Variants in KDM1B observed in about 807,000 individuals in gnomAD.
The protein encoded by KDM1B is lysine-specific histone demethylase 2.
KDM1B carries 63 observed loss-of-function variants against 107.4 expected under a neutral mutation model. The ratio of observed to expected loss-of-function variants is 0.59; its 90% CI spans 0.48 to 0.72. The LOEUF (loss-of-function observed/expected upper bound fraction) is 0.72. Among genes scored for constraint, KDM1B ranks in the 30% least tolerant of loss-of-function variants. The pLI, the probability that KDM1B is intolerant of heterozygous loss-of-function variation, is 0.00. For missense variants in KDM1B, 749 were observed against 1,020.8 expected (o/e 0.73, Z 3.63); for synonymous variants, 363 against 363.9 (o/e 1.00, Z 0.03).
In KDM1B at chr6:18,214,530, G is replaced by A. The variant is rs1789076353; in HGVS notation, c.2110-477G>A. ...GCAGGAAGCAATAGAGTGGATGGATGAATAATGAGTGTTTGCGAGGAAAAT... is the reference window on the plus strand; with the variant it reads ...GCAGGAAGCAATAGAGTGGATGGATAAATAATGAGTGTTTGCGAGGAAAAT... On this transcript the variant is annotated intron_variant, in intron 19 of 21. Transcript: ENST00000650836. The surrounding 1 kb of genome is among the most constrained non-coding windows in gnomAD (Gnocchi z 4.4). Among the ~76,000 whole-genome samples, 1 of 152,224 alleles carries A rather than the reference G, an allele frequency of 6.6e-6. No individual in the cohort carries two copies. Among genetic ancestry groups the A allele is most frequent in the African/African-American group, 2.4e-5 (1 of 41,450 alleles).
chr6:18,205,556 C>T lies in KDM1B; in HGVS notation c.1551C>T (p.Tyr517=), dbSNP rs1327682603. 4.5e-6 allele frequency: 7 copies of T among 1,546,852 alleles called. No individual in the cohort carries two copies. In the African/African-American group the frequency reaches 6.9e-5, roughly 15 times the overall value. The change falls in exon 15 of 22, where the codon TAC becomes TAT. Residue 517 remains tyrosine (Y), a synonymous_variant. Transcript: ENST00000650836. This position sits in a 1 kb window ranked among gnomAD's most constrained non-coding sequence, Gnocchi z 5.7. Reference sequence around the variant, plus strand: ...TTACAGAAAAGATAGAAGAAATCTACAAGGCATTTATTAAGGAATCTGGTA... The same window carrying T: ...TTACAGAAAAGATAGAAGAAATCTATAAGGCATTTATTAAGGAATCTGGTA... ...VPLGEKIEEI[Y]KAFIKESGIQ... is the part of the protein sequence containing the mutation.
intron 9 of KDM1B, 111 bp downstream of exon 9, chr6:18,188,113 A>G: frequency 5.1e-6 from 5 of 973,780 alleles, no homozygotes; most frequent in Non-Finnish European, 7.7e-6. Flanking sequence ...GGCTGGGCAC[A>G]GTGGCTCATG....
intron 7 of KDM1B, among the ~76,000 whole-genome samples, chr6:18,175,956 T>C (rs1225233886): frequency 1.3e-5 from 2 of 152,060 alleles, no homozygotes; most frequent in Admixed American, 1.3e-4. Context: ...GCGGGCTCTT[T>C]TTTGGTTCCA....
chr6:18,171,439 A>G lies in KDM1B; in HGVS notation c.494A>G (p.Lys165Arg), dbSNP rs1785656962. Residue 165 changes from lysine (K) to arginine (R), a missense_variant, in exon 7 of 22, where the codon AAG becomes AGG. By Grantham distance (26) the Lys-to-Arg change is conservative (BLOSUM62 2). Transcript: ENST00000650836. ...KEIQLTPQIA[K>R]TYRCGMKPNT... ...ATCCAGCTTACTCCACAGATAGCCAAGACTTATCGATGCGGTATGAAACCA... is the reference window on the plus strand; with the variant it reads ...ATCCAGCTTACTCCACAGATAGCCAGGACTTATCGATGCGGTATGAAACCA... The G allele has an allele frequency of 6.2e-7, 1 of 1,612,968 alleles. No individual in the cohort carries two copies. The highest frequency in any genetic ancestry group is 8.5e-7 in the Non-Finnish European group (1 of 1,179,036).
rs1162419222 is a variant in KDM1B at position 18,215,016 on chromosome 6, A to G, written c.2119A>G (p.Ser707Gly). Residue 707 changes from serine (S) to glycine (G), a missense_variant, in exon 20 of 22, where the codon AGC (serine) becomes GGC (glycine). Physicochemically the swap from Ser to Gly is moderately conservative, Grantham distance 56. Coordinates refer to ENST00000650836, the MANE Select transcript of KDM1B (RefSeq NM_001364614.2). ...FYDMDPQKKH[S>G]VLMSVIAGEA... ...CCTTTCATGTCTCCAGAAGAAGCACAGCGTGCTGATGTCTGTGATTGCCGG... is the reference window on the plus strand; with the variant it reads ...CCTTTCATGTCTCCAGAAGAAGCACGGCGTGCTGATGTCTGTGATTGCCGG... 1.5e-5 allele frequency: 25 copies of G among 1,613,862 alleles called. No homozygotes were observed. Among genetic ancestry groups the G allele is most frequent in the African/African-American group, 2.7e-5 (2 of 74,944 alleles).
intron 21 of KDM1B, among the ~76,000 whole-genome samples, chr6:18,218,160 G>T (rs926496268): frequency 1.8e-4 from 27 of 151,994 alleles, no homozygotes; most frequent in African/African-American, 6.5e-4. Flanking sequence ...TCGCTCTGTG[G>T]CTCAGACTGG....
Position 18,200,447 on chromosome 6 carries a change from C to CTTAG in KDM1B, c.1230_1231insTTAG (p.Glu412AlafsTer14). ...ACTGTCTGTCTTTTTAGGTGACTGT[C>CTTAG]CTGGAAGCCAAAGACAGAATTGGAG... is the stretch of plus-strand genomic sequence containing the variant. On this transcript the variant is annotated frameshift_variant, in exon 13 of 22. Coordinates refer to ENST00000650836, the MANE Select transcript of KDM1B (RefSeq NM_001364614.2). LOFTEE classifies it high-confidence loss of function. This position sits in a 1 kb window ranked among gnomAD's most constrained non-coding sequence, Gnocchi z 4.3. 1 of 1,613,682 alleles carries CTTAG rather than the reference C, an allele frequency of 6.2e-7. No homozygotes were observed.
intron 20 of KDM1B, among the ~76,000 whole-genome samples, chr6:18,215,382 TGA>T (rs2151033770): frequency 6.6e-6 from 1 of 152,318 alleles, no homozygotes; most frequent in Admixed American, 6.5e-5. Context: ...GCTGGAAGCC[TGA>T]GATCGAGGTG....
chr6:18,221,882 C>T (rs1198756023), intron 21 of KDM1B, 27 bp from the exon 22 acceptor site: 5 of 1,555,122 alleles, frequency 3.2e-6, no homozygotes, highest in Non-Finnish European at 3.5e-6. Flanking sequence ...TATGCATGAT[C>T]TCAAATTATG....
intron 4 of KDM1B, 97 bp downstream of exon 4, chr6:18,161,551 C>G (rs923651127): frequency 2.3e-6 from 3 of 1,300,034 alleles, no homozygotes; most frequent in Non-Finnish European, 3.2e-6. Flanking sequence ...AAGATAGATA[C>G]AGATACTATA....
chr6:18,215,779 A>G (rs1789177794), intron 20 of KDM1B, among the ~76,000 whole-genome samples: 3 of 129,938 alleles, frequency 2.3e-5, no homozygotes, highest in African/African-American at 8.8e-5. Flanking sequence ...AAGGCTCGGT[A>G]TTTTCTACGT....
At chr6:18,216,796 T>C (rs934750372) in intron 20 of KDM1B, among the ~76,000 whole-genome samples, 12 of 152,248 alleles carry the variant, frequency 7.9e-5, no homozygotes, top group Admixed American at 3.3e-4. Context: ...ATAATTGTTC[T>C]ATTTTATTAT....
At chr6:18,171,224 T>C (rs1188403225) in intron 6 of KDM1B, 139 bp from the exon 7 acceptor site, 2 of 664,846 alleles carry the variant, frequency 3.0e-6, no homozygotes, top group Non-Finnish European at 5.5e-6. Context: ...GTGAATTATA[T>C]GGATGATGGT....
chr6:18,191,203 G>A lies in KDM1B; in HGVS notation c.791G>A (p.Gly264Asp), dbSNP rs1451964646. The change falls in exon 10 of 22, where the codon GGC (glycine) becomes GAC (aspartate). Residue 264 changes from glycine to aspartate, a missense_variant. Physicochemically the swap from Gly to Asp is moderately conservative, Grantham distance 94. Transcript: ENST00000650836. The surrounding 1 kb of genome is among the most constrained non-coding windows in gnomAD (Gnocchi z 5.1). ...CATTTGTGTTACCTATCAGTTCCAG[G>A]CATGAACCGATACTTCCAGCCTTTC... is the stretch of plus-strand genomic sequence containing the variant. The part of the protein sequence containing the change: ...SKAALSVHVP[G>D]MNRYFQPFYQ... 1.3e-6 allele frequency: 2 copies of A among 1,550,222 alleles called. No individual in the cohort carries two copies. The highest frequency in any genetic ancestry group is 1.7e-6 in the Non-Finnish European group (2 of 1,146,900).
intron 21 of KDM1B, among the ~76,000 whole-genome samples, chr6:18,218,885 TTTAA>T (rs1307802874): frequency 6.6e-6 from 1 of 151,940 alleles, no homozygotes; most frequent in East Asian, 1.9e-4. Flanking sequence ...TTTAATTTAA[TTTAA>T]TTATTTTATT....
intron 9 of KDM1B, among the ~76,000 whole-genome samples, chr6:18,190,152 GAAAA>G (rs70974710): frequency 0.32 from 47,130 of 148,798 alleles, 7,946 homozygotes; most frequent in Non-Finnish European, 0.37. Flanking sequence ...TCTGTCTCGA[GAAAA>G]AAAAAAAGTT....
rs429158 is a variant in KDM1B, at chr6:18,187,860, T to C, written c.642T>C (p.Ser214=). ...TCCTACCTCCTTTGCTGAAAGACAGTGTGGCAGCGCCCCTGCTGTCTGCCT... is the reference window on the plus strand; with the variant it reads ...TCCTACCTCCTTTGCTGAAAGACAGCGTGGCAGCGCCCCTGCTGTCTGCCT... The part of the protein sequence containing the change: ...MLILPPLLKD[S]VAAPLLSAYY... Residue 214 remains serine (S), a synonymous_variant, in exon 9 of 22, where the codon AGT becomes AGC. Transcript: ENST00000650836. 409,743 of 1,549,754 alleles carry C rather than the reference T, an allele frequency of 0.26. 59,904 individuals are homozygous for C. The highest frequency in any genetic ancestry group is 0.58 in the African/African-American group (42,041 of 72,984).
At chr6:18,176,073 A>G (rs977564184) in intron 7 of KDM1B, among the ~76,000 whole-genome samples, 2 of 152,182 alleles carry the variant, frequency 1.3e-5, no homozygotes, top group African/African-American at 2.4e-5. Context: ...CATTTTCACA[A>G]CATTGATTCT....
intron 16 of KDM1B, 28 bp downstream of exon 16, chr6:18,207,557 G>T (rs1788468357): frequency 6.2e-7 from 1 of 1,612,594 alleles, no homozygotes; most frequent in Non-Finnish European, 8.5e-7. Context: ...GGAGGCTCTG[G>T]CTCGCCTTGT....
Sources: gnomAD v4.1 joint callset for allele counts (sites outside exome capture counted in the v4.1 genomes callset) on GRCh38, gnomAD v4.1.1 for gene constraint, Gnocchi (gnomAD v3.1) non-coding constraint, MANE v1.5 for transcripts, NCBI Gene and HGNC (gene_info 2026-07-23, HGNC 2026-07-21) for gene names.